XRCC5: variants seen among roughly 807,000 people sequenced by gnomAD.
XRCC5 encodes DNA repair protein Ku80.
In XRCC5, 12 loss-of-function variants were observed where a neutral mutation model predicts 95.7. The ratio of observed to expected loss-of-function variants is 0.13; its 90% CI spans 0.08 to 0.20. The LOEUF (loss-of-function observed/expected upper bound fraction) is 0.20. Among genes scored for constraint, XRCC5 ranks in the 10% least tolerant of loss-of-function variants. XRCC5 has a pLI of 1.00. For missense variants in XRCC5, 595 were observed against 873.9 expected (o/e 0.68, Z 4.02); for synonymous variants, 281 against 290.3 (o/e 0.97, Z 0.33).
intron 16 of XRCC5, chr2:216,175,274 C>T: frequency 2.3e-6 from 1 of 429,216 alleles, no homozygotes. Flanking sequence ...ACCTCTGCTG[C>T]CACCACCTCT....
intron 16 of XRCC5, among the ~76,000 whole-genome samples, chr2:216,173,843 C>T (rs1488827269): frequency 2.6e-5 from 4 of 152,136 alleles, no homozygotes; most frequent in East Asian, 1.9e-4. Flanking sequence ...CTCCAGCTGC[C>T]GGTGTCATGC....
chr2:216,152,118 T>G (rs577498185), intron 14 of XRCC5, among the ~76,000 whole-genome samples: 1 of 152,254 alleles, frequency 6.6e-6, no homozygotes, highest in East Asian at 1.9e-4. Flanking sequence ...GCTCTCTCCC[T>G]AAACACCTGG....
At chr2:216,127,413 A>G in intron 7 of XRCC5, 123 bp from the exon 8 acceptor site, 1 of 1,169,078 alleles carries the variant, frequency 8.6e-7, no homozygotes, top group Middle Eastern at 3.1e-4. Flanking sequence ...GAGCAAACAA[A>G]ATAATGGAGC....
Position 216,127,586 on chromosome 2 carries a change from C to A in XRCC5, c.849C>A (p.Thr283=). The A allele has an allele frequency of 6.2e-7, 1 of 1,611,148 alleles. No individual in the cohort carries two copies. Among genetic ancestry groups the A allele is most frequent in the Non-Finnish European group, 8.5e-7 (1 of 1,179,080 alleles). The stretch of plus-strand genomic sequence containing the variant: ...CTTGGACAGTTGTGGATGCAAAAAC[C>A]CTAAAAAAAGAAGATATACAAAAAG... ...KKTWTVVDAK[T]LKKEDIQKET... is the part of the protein sequence containing the mutation. Residue 283 remains threonine (T), a synonymous_variant, in exon 8 of 21, where the codon ACC becomes ACA. Coordinates refer to ENST00000392132, the MANE Select transcript of XRCC5 (RefSeq NM_021141.4).
intron 14 of XRCC5, among the ~76,000 whole-genome samples, chr2:216,153,192 C>G (rs1014703864): frequency 3.9e-5 from 6 of 152,228 alleles, no homozygotes; most frequent in African/African-American, 1.4e-4. Flanking sequence ...GCTAAATTCA[C>G]TTCGGCTTTG....
chr2:216,109,637 T>C (rs1358117833), intron 1 of XRCC5, among the ~76,000 whole-genome samples, 180 bp downstream of exon 1: 1 of 152,084 alleles, frequency 6.6e-6, no homozygotes, highest in Admixed American at 6.6e-5. Context: ...GCTGGAGATT[T>C]GGGGCTCCAA....
chr2:216,183,617 G>A (rs1689434000), intron 16 of XRCC5, among the ~76,000 whole-genome samples: 1 of 152,150 alleles, frequency 6.6e-6, no homozygotes, highest in African/African-American at 2.4e-5. Context: ...ATAATATTAT[G>A]GCTGTGGTGT....
At position 216,136,989 on chromosome 2, in the gene XRCC5, A is replaced by G. The variant is rs76765434; in HGVS notation, c.1114-99A>G. 209 of 1,410,926 alleles carry G rather than the reference A, an allele frequency of 1.5e-4. 2 individuals carry two copies. The African/African-American group carries it at 2.9e-3, about 20-fold the overall frequency. 87.4% of individuals were successfully genotyped at this position (1,410,926 alleles called of 1,614,324 possible). On this transcript the variant is annotated intron_variant, in intron 10 of 20. Transcript: ENST00000392132. The stretch of plus-strand genomic sequence containing the variant: ...AGTCAGGGGGCACCCTAAAAAATGT[A>G]AAATAGAAAGAAAGTGATAACAGTC...
At chr2:216,121,961 T>A in intron 5 of XRCC5, 101 bp from the exon 6 acceptor site, 4 of 1,078,096 alleles carry the variant, frequency 3.7e-6, no homozygotes, top group East Asian at 2.7e-5. Flanking sequence ...AGATGAGAAA[T>A]TTGAAACTTG....
chr2:216,123,560 C>T (rs1353288405), intron 6 of XRCC5, among the ~76,000 whole-genome samples: 2 of 152,166 alleles, frequency 1.3e-5, no homozygotes, highest in African/African-American at 4.8e-5. Flanking sequence ...AATTCCAGCA[C>T]TTTGGGAGGC....
At chr2:216,109,572 C>A in intron 1 of XRCC5, 115 bp downstream of exon 1, 1 of 1,467,674 alleles carries the variant, frequency 6.8e-7, no homozygotes, top group Non-Finnish European at 9.3e-7. Flanking sequence ...AAGAGAAGAT[C>A]ATGGTGGTGG....
intron 10 of XRCC5, among the ~76,000 whole-genome samples, chr2:216,134,514 G>A (rs956989494): frequency 2.0e-5 from 3 of 148,150 alleles, no homozygotes; most frequent in Non-Finnish European, 4.4e-5. Context: ...TGTAACCCCT[G>A]CCTCCCGGGT....
Position 216,127,619 on chromosome 2 carries a change from T to G in XRCC5, c.882T>G (p.Val294=), listed in dbSNP as rs1304415647. The G allele has an allele frequency of 3.7e-6, 6 of 1,612,168 alleles. No individual in the cohort carries two copies. In the East Asian group the frequency reaches 1.3e-4, roughly 36 times the overall value. Residue 294 remains valine (V), a synonymous_variant, in exon 8 of 21, where the codon GTT becomes GTG. Transcript: ENST00000392132. ...LKKEDIQKET[V]YCLNDDDETE... The stretch of plus-strand genomic sequence containing the variant: ...AAGAAGATATACAAAAAGAAACAGT[T>G]TATTGCTTAAATGATGATGATGAAA...
At chr2:216,119,224 G>A in intron 5 of XRCC5, 59 bp downstream of exon 5, 2 of 1,593,832 alleles carry the variant, frequency 1.3e-6, no homozygotes, top group Non-Finnish European at 1.7e-6. Context: ...TATAGTGAAT[G>A]GGCCCTCTGT....
At chr2:216,158,315 T>G (rs1322487578) in intron 14 of XRCC5, among the ~76,000 whole-genome samples, 1 of 151,916 alleles carries the variant, frequency 6.6e-6, no homozygotes, top group Non-Finnish European at 1.5e-5. Context: ...TACTAGACTC[T>G]AAACTCTAGA....
chr2:216,132,414 A>G, intron 10 of XRCC5, 27 bp downstream of exon 10: 1 of 1,610,152 alleles, frequency 6.2e-7, no homozygotes. Flanking sequence ...TCTTTGAGGT[A>G]GTGCTACAGA....
intron 6 of XRCC5, among the ~76,000 whole-genome samples, chr2:216,124,327 A>C (rs1200619981): frequency 6.6e-6 from 1 of 152,042 alleles, no homozygotes; most frequent in Non-Finnish European, 1.5e-5. Flanking sequence ...GCTCACTGCA[A>C]CCTCTGCCTC....
chr2:216,195,889 A>AGTAACTGTAGTAG (rs1374142386), intron 19 of XRCC5, among the ~76,000 whole-genome samples: 2 of 152,206 alleles, frequency 1.3e-5, no homozygotes, highest in Admixed American at 6.5e-5. Flanking sequence ...CTTCTGCGAT[A>AGTAACTGTAGTAG]TGCTAGGCAC....
intron 10 of XRCC5, among the ~76,000 whole-genome samples, chr2:216,134,803 G>T (rs934230841): frequency 6.6e-6 from 1 of 151,916 alleles, no homozygotes; most frequent in Non-Finnish European, 1.5e-5. Flanking sequence ...CAAACAAATT[G>T]GAAGTAATCT....
Sources: allele counts gnomAD v4.1 joint callset (sites outside exome capture counted in the v4.1 genomes callset), GRCh38; gene constraint gnomAD v4.1.1; transcripts MANE v1.5; gene names NCBI Gene and HGNC (gene_info 2026-07-23, HGNC 2026-07-21).